The following LRRIQ3 variants were observed in gnomAD, a reference collection of about 807,000 sequenced individuals.
LRRIQ3 encodes the protein leucine rich repeats and IQ motif containing 3.
LRRIQ3 carries 75 observed loss-of-function variants against 59.3 expected under a neutral mutation model. The observed-to-expected ratio is 1.26, with a 90% confidence interval of 1.05 to 1.53. LRRIQ3 has a LOEUF of 1.53. Among genes scored for constraint, LRRIQ3 ranks in the 40% most tolerant of loss-of-function variants. The pLI, the probability that LRRIQ3 is intolerant of heterozygous loss-of-function variation, is 0.00. For missense variants in LRRIQ3, 831 were observed against 710.0 expected (o/e 1.17, Z -1.94); for synonymous variants, 250 against 231.3 (o/e 1.08, Z -0.73).
intron 6 of LRRIQ3, among the ~76,000 whole-genome samples, chr1:74,073,878 G>A (rs2100477902): frequency 6.6e-6 from 1 of 152,178 alleles, no homozygotes; most frequent in East Asian, 1.9e-4. Flanking sequence ...ATAAAGAAAA[G>A]TTTATCTAAT....
intron 5 of LRRIQ3, chr1:74,078,843 C>G (rs1646238788): frequency 6.6e-6 from 1 of 151,782 alleles, no homozygotes; most frequent in Non-Finnish European, 1.5e-5. Context: ...CCTATTTCCT[C>G]CACTATCCAT....
intron 4 of LRRIQ3, among the ~76,000 whole-genome samples, chr1:74,129,156 TTGG>T (rs1646976528): frequency 6.6e-6 from 1 of 152,032 alleles, no homozygotes; most frequent in Admixed American, 6.6e-5. Context: ...AAATCAGCAG[TTGG>T]TGAAGCCAGC....
chr1:74,131,513 A>G lies in LRRIQ3; in HGVS notation c.708-21960T>C, dbSNP rs906570039. Among the ~76,000 whole-genome samples, 39 of 152,300 alleles carry G rather than the reference A, an allele frequency of 2.6e-4. 1 individual carries two copies. The highest frequency in any genetic ancestry group is 3.4e-3 in the Middle Eastern group (1 of 294). On this transcript the variant is annotated intron_variant, in intron 4 of 7. Transcript: ENST00000354431. ...CAAACCGAATCCAGCAGCACATCAA[A>G]AAGCTTATCCACCATGATCAAGTGG...
At chr1:74,075,568 G>C (rs1457707248) in intron 5 of LRRIQ3, among the ~76,000 whole-genome samples, 1 of 134,528 alleles carries the variant, frequency 7.4e-6, no homozygotes, top group South Asian at 2.3e-4. Context: ...CTCCGTCTCA[G>C]AAAAAAAAAA....
chr1:74,112,536 C>T (rs1646711504), intron 4 of LRRIQ3, among the ~76,000 whole-genome samples: 1 of 152,078 alleles, frequency 6.6e-6, no homozygotes, highest in Non-Finnish European at 1.5e-5. Flanking sequence ...GACAGTGGGT[C>T]AATTTATGTT....
chr1:74,100,308 T>C (rs1488857460), intron 5 of LRRIQ3, among the ~76,000 whole-genome samples: 1 of 152,100 alleles, frequency 6.6e-6, no homozygotes, highest in African/African-American at 2.4e-5. Context: ...CCATTCACAA[T>C]TGCTTCAAAG....
chr1:74,186,591 T>C (rs991675763), intron 1 of LRRIQ3, among the ~76,000 whole-genome samples: 1 of 152,174 alleles, frequency 6.6e-6, no homozygotes, highest in Non-Finnish European at 1.5e-5. Context: ...ATTTGTAATA[T>C]ATAATAAGGG....
intron 1 of LRRIQ3, among the ~76,000 whole-genome samples, chr1:74,189,761 T>C (rs141488792): frequency 2.2e-4 from 33 of 152,230 alleles, no homozygotes; most frequent in African/African-American, 6.3e-4. Flanking sequence ...TCTTGTCTGC[T>C]GCCATGTAAG....
intron 5 of LRRIQ3, among the ~76,000 whole-genome samples, chr1:74,087,854 C>T (rs1223610670): frequency 1.3e-5 from 2 of 151,992 alleles, no homozygotes; most frequent in African/African-American, 4.8e-5. Flanking sequence ...ATCTCAGCAC[C>T]TTGGGAGGCT....
intron 3 of LRRIQ3, among the ~76,000 whole-genome samples, chr1:74,162,497 GAAAT>G (rs929426195): frequency 6.6e-6 from 1 of 151,664 alleles, no homozygotes; most frequent in African/African-American, 2.4e-5. Flanking sequence ...ATCCTGGAAC[GAAAT>G]AGAGTGAGAC....
At chr1:74,147,728 T>C (rs1010135205) in intron 4 of LRRIQ3, among the ~76,000 whole-genome samples, 1 of 152,240 alleles carries the variant, frequency 6.6e-6, no homozygotes, top group Non-Finnish European at 1.5e-5. Flanking sequence ...TCTCTGCTTT[T>C]GTCTTTTGTC....
At chr1:74,111,662 C>T (rs1646696621) in intron 4 of LRRIQ3, among the ~76,000 whole-genome samples, 1 of 151,934 alleles carries the variant, frequency 6.6e-6, no homozygotes, top group Non-Finnish European at 1.5e-5. Context: ...GGGCATACAG[C>T]AAAATAAACA....
At chr1:74,129,807 C>T (rs1646986410) in intron 4 of LRRIQ3, among the ~76,000 whole-genome samples, 1 of 151,928 alleles carries the variant, frequency 6.6e-6, no homozygotes, top group African/African-American at 2.4e-5. Context: ...GATAATGAAT[C>T]CTTCCAGGAC....
chr1:74,084,310 C>A, intron 5 of LRRIQ3: 1 of 1,300,316 alleles, frequency 7.7e-7, no homozygotes, highest in Non-Finnish European at 1.1e-6. Flanking sequence ...GCAAACATTA[C>A]ATTTTGCCTG....
intron 3 of LRRIQ3, 164 bp downstream of exon 3, chr1:74,182,374 G>A: frequency 2.6e-6 from 1 of 388,680 alleles, no homozygotes; most frequent in African/African-American, 2.1e-5. Context: ...CTTTTATCAA[G>A]TTTCAGATAG....
Position 74,041,284 on chromosome 1 carries a change from G to A in LRRIQ3, c.1647C>T (p.Ser549=), listed in dbSNP as rs373984391. The change falls in exon 7 of 8, where the codon AGC becomes AGT. Residue 549 remains serine, a synonymous_variant. Transcript: ENST00000354431. ...CTTTTAGTTTTTGCTTAACAATCAGGCTTTTCTCTTTTAGGACAGCCTCAT... is the reference window on the plus strand; with the variant it reads ...CTTTTAGTTTTTGCTTAACAATCAGACTTTTCTCTTTTAGGACAGCCTCAT... ...EKNEAVLKEK[S]LIVKQKLKAE... The A allele has an allele frequency of 3.1e-6, 5 of 1,608,154 alleles. No homozygotes were observed. The highest frequency in any genetic ancestry group is 2.3e-5 in the South Asian group (2 of 88,704).
chr1:74,109,169 T>G (rs1266876323), intron 5 of LRRIQ3: 5 of 312,018 alleles, frequency 1.6e-5, no homozygotes, highest in South Asian at 4.4e-5. Context: ...ATATAAAGCA[T>G]AAATTATTAA....
chr1:74,095,560 A>T (rs1646439886), intron 5 of LRRIQ3, among the ~76,000 whole-genome samples: 1 of 152,110 alleles, frequency 6.6e-6, no homozygotes, highest in South Asian at 2.1e-4. Context: ...AATTTGTTAA[A>T]TATATTATTC....
chr1:74,189,667 A>G (rs1650631668), intron 1 of LRRIQ3, among the ~76,000 whole-genome samples: 2 of 152,076 alleles, frequency 1.3e-5, no homozygotes, highest in Non-Finnish European at 2.9e-5. Context: ...AGTTTTCTCC[A>G]TACCGTTCTT....
Sources: allele counts gnomAD v4.1 joint callset (sites outside exome capture counted in the v4.1 genomes callset), GRCh38; gene constraint gnomAD v4.1.1; transcripts MANE v1.5; gene names NCBI Gene and HGNC (gene_info 2026-07-23, HGNC 2026-07-21).